RALGPS1: variants seen among roughly 807,000 people sequenced by gnomAD.
RALGPS1 encodes the protein ras-specific guanine nucleotide-releasing factor RalGPS1.
A neutral mutation model predicts 78.8 loss-of-function variants in RALGPS1; 19 were observed. The observed-to-expected ratio is 0.24, with a 90% CI of 0.17 to 0.35. The LOEUF (loss-of-function observed/expected upper bound fraction) is 0.35. Among genes scored for constraint, RALGPS1 ranks in the 10% least tolerant of loss-of-function variants. RALGPS1 has a pLI of 1.00. For synonymous variants in RALGPS1, 228 were observed against 256.3 expected (o/e 0.89, Z 1.06); for missense variants, 454 against 688.3 (o/e 0.66, Z 3.81).
chr9:126,978,222 G>C (rs1302888790), intron 4 of RALGPS1: 1 of 151,930 alleles, frequency 6.6e-6, no homozygotes. Context: ...GCTCACACCT[G>C]TAATCCCGGC....
intron 3 of RALGPS1, among the ~76,000 whole-genome samples, chr9:126,975,098 G>T (rs1266682928): frequency 6.6e-6 from 1 of 152,154 alleles, no homozygotes; most frequent in Non-Finnish European, 1.5e-5. Context: ...GATGATCTTT[G>T]TAAGTATCTT....
intron 1 of RALGPS1, among the ~76,000 whole-genome samples, chr9:126,952,673 G>GTGTGTGTGTGTGTGTCTGTGTGTC (rs771422718): frequency 9.4e-6 from 1 of 106,906 alleles, no homozygotes; most frequent in Non-Finnish European, 2.3e-5. Context: ...GTGTGTGTGT[G>GTGTGTGTGTGTGTGTCTGTGTGTC]TGTGTGTCTG....
At chr9:126,965,234 C>T (rs1356745611) in intron 2 of RALGPS1, among the ~76,000 whole-genome samples, 3 of 152,228 alleles carry the variant, frequency 2.0e-5, no homozygotes, top group Non-Finnish European at 4.4e-5. Flanking sequence ...TTACCTCTCA[C>T]CTCATTAGCA....
intron 4 of RALGPS1, among the ~76,000 whole-genome samples, chr9:126,995,663 G>C (rs1231276809): frequency 6.6e-6 from 1 of 151,920 alleles, no homozygotes; most frequent in East Asian, 1.9e-4. Context: ...ATTGAACTCA[G>C]CTCTGCACCA....
chr9:126,999,050 G>C (rs1380732585), intron 4 of RALGPS1, among the ~76,000 whole-genome samples: 2 of 147,900 alleles, frequency 1.4e-5, no homozygotes, highest in Admixed American at 1.3e-4. Context: ...ATAGCATTAG[G>C]AGATATACCT....
intron 8 of RALGPS1, chr9:127,093,915 C>T (rs1267315456): frequency 1.2e-6 from 2 of 1,613,770 alleles, no homozygotes. Context: ...TGCAGGCAGT[C>T]TCTCCATGGG....
intron 5 of RALGPS1, among the ~76,000 whole-genome samples, chr9:127,044,998 A>T (rs1278899405): frequency 1.3e-5 from 2 of 152,198 alleles, no homozygotes; most frequent in Non-Finnish European, 2.9e-5. Flanking sequence ...GGAAAAGGTA[A>T]AGCTATAGAG....
chr9:127,081,424 G>T (rs1415997641), intron 8 of RALGPS1, among the ~76,000 whole-genome samples: 3 of 152,208 alleles, frequency 2.0e-5, no homozygotes, highest in Non-Finnish European at 4.4e-5. Context: ...AGGAAAGGCT[G>T]CCTTGCTGTT....
At chr9:126,954,915 C>T (rs999958646) in intron 1 of RALGPS1, among the ~76,000 whole-genome samples, 3 of 152,208 alleles carry the variant, frequency 2.0e-5, no homozygotes, top group African/African-American at 4.8e-5. Flanking sequence ...GCCTGTCTGT[C>T]GACTGCTTCC....
intron 1 of RALGPS1, among the ~76,000 whole-genome samples, chr9:126,941,846 C>T (rs2036823680): frequency 6.6e-6 from 1 of 152,188 alleles, no homozygotes; most frequent in Non-Finnish European, 1.5e-5. Flanking sequence ...CTGTGGTTTT[C>T]AAGTGTTTTC....
chr9:126,953,418 GAGGCAGA>G (rs2038050081), intron 1 of RALGPS1, among the ~76,000 whole-genome samples: 1 of 152,018 alleles, frequency 6.6e-6, no homozygotes, highest in African/African-American at 2.4e-5. Flanking sequence ...TAAGGTGAGA[GAGGCAGA>G]AGGAGGGTGG....
chr9:127,212,581 C>T lies in RALGPS1; in HGVS notation c.1354-46C>T, dbSNP rs375175571. ...CTGTAATCGGCCAGGGATCCTCTAC[C>T]CCCACGACCCCTGGTGGCATCACTC... On this transcript the variant is annotated intron_variant, in intron 15 of 18. Coordinates refer to ENST00000259351, the MANE Select transcript of RALGPS1 (RefSeq NM_014636.3). This position sits in a 1 kb window ranked among gnomAD's most constrained non-coding sequence, Gnocchi z 6.0. The T allele has an allele frequency of 1.3e-5, 18 of 1,392,150 alleles. No individual in the cohort carries two copies. In the African/African-American group the frequency reaches 2.3e-4, roughly 18 times the overall value. The allele number at this position is 1,392,150 out of a possible 1,614,324, so 86.2% of individuals were successfully genotyped here.
chr9:127,141,264 G>A (rs1007824751), intron 8 of RALGPS1, among the ~76,000 whole-genome samples: 1 of 152,150 alleles, frequency 6.6e-6, no homozygotes, highest in South Asian at 2.1e-4. Context: ...GTACAGTAAG[G>A]TGTAAACTCT....
Position 127,212,471 on chromosome 9 carries a change from C to T in RALGPS1, c.1354-156C>T, listed in dbSNP as rs756888053. Among the ~76,000 whole-genome samples the T allele has an allele frequency of 6.6e-6, 1 of 152,132 alleles. No individual in the cohort carries two copies. The highest frequency in any genetic ancestry group is 1.5e-5 in the Non-Finnish European group (1 of 68,004). On this transcript the variant is annotated intron_variant, in intron 15 of 18. Coordinates refer to ENST00000259351, the MANE Select transcript of RALGPS1 (RefSeq NM_014636.3). The surrounding 1 kb of genome is among the most constrained non-coding windows in gnomAD (Gnocchi z 6.0). The stretch of plus-strand genomic sequence containing the variant: ...AGGGAAGACGCCTCCTGTCTTGGTC[C>T]TAGGTGGAAGTTGGCATTGCCAGGG...
intron 8 of RALGPS1, among the ~76,000 whole-genome samples, chr9:127,085,043 T>C (rs1330692979): frequency 6.6e-6 from 1 of 152,198 alleles, no homozygotes; most frequent in Non-Finnish European, 1.5e-5. Flanking sequence ...ACACTCCCAT[T>C]ACCATTGTTT....
At chr9:127,214,341 G>C (rs1206462793) in intron 17 of RALGPS1, among the ~76,000 whole-genome samples, 2 of 152,132 alleles carry the variant, frequency 1.3e-5, no homozygotes, top group African/African-American at 4.8e-5. Context: ...TGTCACTTAT[G>C]CTCATCTCTT....
Position 127,138,124 on chromosome 9 carries a change from G to A in RALGPS1, c.611-27945G>A, listed in dbSNP as rs568076326. 5.9e-5 allele frequency among the ~76,000 whole-genome samples: 9 copies of A among 152,326 alleles called. No individual in the cohort carries two copies. In the South Asian group the frequency reaches 1.9e-3, roughly 32 times the overall value. On this transcript the variant is annotated intron_variant, in intron 8 of 18. Transcript: ENST00000259351. ...AGGGATGCTGTAGGCCACGGCCGAA[G>A]AATGAGGAGGCCTCCCCGGGTAGCG...
intron 8 of RALGPS1, among the ~76,000 whole-genome samples, chr9:127,085,547 C>T (rs1164369417): frequency 1.3e-5 from 2 of 152,176 alleles, no homozygotes; most frequent in African/African-American, 4.8e-5. Context: ...TCATTTTCTC[C>T]ACATCTCTGA....
intron 8 of RALGPS1, among the ~76,000 whole-genome samples, chr9:127,161,469 C>T (rs1020384803): frequency 1.3e-5 from 2 of 152,232 alleles, no homozygotes; most frequent in African/African-American, 4.8e-5. Flanking sequence ...TCTCCTGGAT[C>T]CGGGCCCCAC....
Sources: allele counts gnomAD v4.1 joint callset (sites outside exome capture counted in the v4.1 genomes callset), GRCh38; gene constraint gnomAD v4.1.1; non-coding constraint Gnocchi (gnomAD v3.1); transcripts MANE v1.5; gene names NCBI Gene and HGNC (gene_info 2026-07-23, HGNC 2026-07-21).